The following EVI5 variants were observed in gnomAD, a reference collection of about 807,000 sequenced individuals.
The protein encoded by EVI5 is ecotropic viral integration site 5.
In EVI5, 73 loss-of-function variants were observed where a neutral mutation model predicts 112.0. The ratio of observed to expected loss-of-function variants is 0.65; its 90% CI spans 0.54 to 0.79. The LOEUF is 0.79. Among genes scored for constraint, EVI5 ranks in the 30% least tolerant of loss-of-function variants. The pLI is 0.00. For missense variants in EVI5, 900 were observed against 968.8 expected, an observed-to-expected ratio of 0.93 and a Z score of 0.94; for synonymous variants, 305 against 319.9, an observed-to-expected ratio of 0.95 and a Z score of 0.50.
At position 92,513,510 on chromosome 1, in the gene EVI5, AATATATATATATATATATATATAT is replaced by A. The variant is rs200063630; in HGVS notation, c.*122_*145del. 4.6e-3 allele frequency: 790 copies of A among 172,726 alleles called. 10 individuals are homozygous for A. Among genetic ancestry groups the A allele is most frequent in the African/African-American group, 8.8e-3 (302 of 34,240 alleles). The allele number at this position is 172,726 out of a possible 1,614,324, so 10.7% of individuals were successfully genotyped here. ...GATAAAAAGGCAGATAAGACTGTAAAATATATATATATATATATATATATATATATATATATATATATATATATA... is the reference window on the plus strand; with the variant it reads ...GATAAAAAGGCAGATAAGACTGTAAAATATATATATATATATATATATATA... On this transcript the variant is annotated 3_prime_UTR_variant, in exon 20 of 20. Coordinates refer to ENST00000684568, the MANE Select transcript of EVI5 (RefSeq NM_001350197.2).
chr1:92,678,873 ATACCCACTCTGGGG>A (rs1229740423), intron 9 of EVI5, among the ~76,000 whole-genome samples: 1 of 152,220 alleles, frequency 6.6e-6, no homozygotes, highest in Non-Finnish European at 1.5e-5. Context: ...ATAAGTTGTT[ATACCCACTCTGGGG>A]TTTAGAAAGC....
chr1:92,675,535 A>C (rs1448789330), intron 10 of EVI5, among the ~76,000 whole-genome samples: 2 of 151,920 alleles, frequency 1.3e-5, no homozygotes, highest in Non-Finnish European at 2.9e-5. Flanking sequence ...TGGCTTCCCC[A>C]TCCTCAGATT....
chr1:92,663,454 T>G lies in EVI5; in HGVS notation c.1213-2A>C. On this transcript the variant is annotated splice_acceptor_variant, in intron 11 of 19. Transcript: ENST00000684568. LOFTEE classifies it high-confidence loss of function. ...TCTATCTGCCAAGGAAGCACTTTCC[T>G]ACAAAAGGAAAAATTCAGATAGAAA... The G allele has an allele frequency of 7.1e-7, 1 of 1,402,588 alleles. No homozygotes were observed. The highest frequency in any genetic ancestry group is 9.5e-7 in the Non-Finnish European group (1 of 1,049,418). 86.9% of individuals were successfully genotyped at this position (1,402,588 alleles called of 1,614,324 possible). A position where few individuals can be genotyped will look rare whatever the true frequency, so the allele number is the denominator to read the frequency against.
At chr1:92,713,433 C>T (rs1305646757) in intron 2 of EVI5, among the ~76,000 whole-genome samples, 1 of 151,564 alleles carries the variant, frequency 6.6e-6, no homozygotes. Flanking sequence ...TCAAAGATTC[C>T]TGTTGACTAT....
At chr1:92,675,485 A>AT (rs201106041) in intron 10 of EVI5, among the ~76,000 whole-genome samples, 75 of 151,590 alleles carry the variant, frequency 4.9e-4, no homozygotes, top group East Asian at 3.9e-3. Context: ...TAGAACTGTG[A>AT]TTTTTTTTTC....
At chr1:92,764,025 TA>T (rs540671174) in intron 1 of EVI5, among the ~76,000 whole-genome samples, 3 of 151,646 alleles carry the variant, frequency 2.0e-5, no homozygotes, top group African/African-American at 4.8e-5. Flanking sequence ...GGCTTAAGTT[TA>T]AAAAAAAATC....
At chr1:92,632,791 G>C (rs1406108022) in intron 14 of EVI5, among the ~76,000 whole-genome samples, 3 of 152,096 alleles carry the variant, frequency 2.0e-5, no homozygotes, top group Non-Finnish European at 2.9e-5. Flanking sequence ...GATCTTTCCT[G>C]CTTTCTCTTG....
At chr1:92,748,881 A>G (rs564244921) in intron 1 of EVI5, among the ~76,000 whole-genome samples, 2 of 152,026 alleles carry the variant, frequency 1.3e-5, no homozygotes, top group East Asian at 3.9e-4. Context: ...AGCCTGACCA[A>G]CAGAAGAAAC....
intron 2 of EVI5, among the ~76,000 whole-genome samples, chr1:92,728,935 G>A (rs944602709): frequency 2.6e-5 from 4 of 152,008 alleles, no homozygotes; most frequent in Admixed American, 6.6e-5. Context: ...ATACTATTGC[G>A]ATATCACAGT....
At chr1:92,521,551 T>G (rs1354144213) in intron 19 of EVI5, among the ~76,000 whole-genome samples, 6 of 151,932 alleles carry the variant, frequency 3.9e-5, no homozygotes, top group Admixed American at 3.9e-4. Flanking sequence ...ATTAGCCAGG[T>G]GTGGTGGTGT....
intron 2 of EVI5, among the ~76,000 whole-genome samples, chr1:92,717,776 C>T (rs1321557506): frequency 6.6e-6 from 1 of 152,040 alleles, no homozygotes; most frequent in Non-Finnish European, 1.5e-5. Flanking sequence ...CAAGACCCAT[C>T]AGTGTGCTGT....
chr1:92,781,658 A>G lies in EVI5; in HGVS notation c.-82+3178T>C, dbSNP rs377380806. Among the ~76,000 whole-genome samples the G allele has an allele frequency of 3.8e-4, 58 of 152,212 alleles. 1 individual carries two copies. Among genetic ancestry groups the G allele is most frequent in the African/African-American group, 1.3e-3 (55 of 41,528 alleles). On this transcript the variant is annotated intron_variant, in intron 1 of 19. Transcript: ENST00000684568. Reference sequence around the variant, plus strand: ...GATAAAGTATACTTCATTAAAATTAAGAATCTCAGGCTGGGTGCAGTGGTT... The same window carrying G: ...GATAAAGTATACTTCATTAAAATTAGGAATCTCAGGCTGGGTGCAGTGGTT...
At chr1:92,645,708 T>C (rs957434287) in intron 13 of EVI5, among the ~76,000 whole-genome samples, 5 of 152,186 alleles carry the variant, frequency 3.3e-5, no homozygotes, top group African/African-American at 9.7e-5. Context: ...TATCAAATCT[T>C]AGCTGTGGGT....
At chr1:92,784,706 C>T in intron 1 of EVI5, 130 bp downstream of exon 1, 1 of 636,164 alleles carries the variant, frequency 1.6e-6, no homozygotes, top group Non-Finnish European at 2.0e-6. Context: ...GGCGCGCCCG[C>T]CCCGCTCCCA....
intron 1 of EVI5, among the ~76,000 whole-genome samples, chr1:92,741,904 T>C (rs1285694876): frequency 6.6e-6 from 1 of 151,998 alleles, no homozygotes; most frequent in Non-Finnish European, 1.5e-5. Flanking sequence ...TTCATGACAA[T>C]GATTTGGCAA....
intron 18 of EVI5, among the ~76,000 whole-genome samples, chr1:92,603,035 G>T (rs1247800455): frequency 6.6e-6 from 1 of 152,092 alleles, no homozygotes; most frequent in Non-Finnish European, 1.5e-5. Context: ...ATTAAGCAAA[G>T]GACCTGAATA....
chr1:92,525,285 T>TTTTTTTTA lies in EVI5; in HGVS notation c.2167-11316_2167-11315insTAAAAAAA, dbSNP rs1386974706. On this transcript the variant is annotated intron_variant, in intron 19 of 19. Transcript: ENST00000684568. ...ACAATGCCTTTTTTTTTTTTTTTTTTTTGAGACAGAGTCTCAATCTGTTGC... is the reference window on the plus strand; with the variant it reads ...ACAATGCCTTTTTTTTTTTTTTTTTTTTTTTTTATTGAGACAGAGTCTCAATCTGTTGC... Among the ~76,000 whole-genome samples, 467 of 148,768 alleles carry TTTTTTTTA rather than the reference T, an allele frequency of 3.1e-3. 8 individuals carry two copies. Among genetic ancestry groups the TTTTTTTTA allele is most frequent in the African/African-American group, 0.011 (445 of 39,818 alleles).
chr1:92,707,331 CA>C (rs1239382458), intron 2 of EVI5, among the ~76,000 whole-genome samples: 1 of 151,248 alleles, frequency 6.6e-6, no homozygotes, highest in East Asian at 1.9e-4. Context: ...CTGTGCTCCT[CA>C]AAAGATACTA....
intron 1 of EVI5, among the ~76,000 whole-genome samples, chr1:92,781,566 T>G (rs1333852526): frequency 1.3e-5 from 2 of 151,974 alleles, no homozygotes; most frequent in African/African-American, 4.8e-5. Flanking sequence ...AATATGTTCA[T>G]ATTCTCAGGT....
Sources: allele counts gnomAD v4.1 joint callset (sites outside exome capture counted in the v4.1 genomes callset), GRCh38; gene constraint gnomAD v4.1.1; transcripts MANE v1.5; gene names NCBI Gene and HGNC (gene_info 2026-07-23, HGNC 2026-07-21).